The following LRP1B variants were observed in gnomAD, a reference collection of about 807,000 sequenced individuals.
The protein encoded by LRP1B is low-density lipoprotein receptor-related protein 1B.
Under a neutral mutation model 556.6 loss-of-function variants are expected in LRP1B, and 217 were observed. That is an observed-to-expected ratio of 0.39 (90% CI 0.35 to 0.44). The LOEUF (loss-of-function observed/expected upper bound fraction) is 0.44, where lower values mean the gene tolerates loss of function less well. LRP1B is among the 20% of genes least tolerant of loss of function. The pLI is 1.00. For synonymous variants in LRP1B, 2,047 were observed against 1,865.8 expected, an observed-to-expected ratio of 1.10 and a Z score of -2.50; for missense variants, 5,053 against 5,620.8, an observed-to-expected ratio of 0.90 and a Z score of 3.23.
At chr2:141,891,804 G>C (rs760929800) in intron 1 of LRP1B, among the ~76,000 whole-genome samples, 1 of 151,982 alleles carries the variant, frequency 6.6e-6, no homozygotes, top group Non-Finnish European at 1.5e-5. Flanking sequence ...GGGTAAAAAG[G>C]TCTCAGTGGA....
At chr2:142,079,829 T>C (rs1196583713) in intron 1 of LRP1B, among the ~76,000 whole-genome samples, 4 of 152,038 alleles carry the variant, frequency 2.6e-5, no homozygotes, top group African/African-American at 4.8e-5. Flanking sequence ...AAATATATGT[T>C]ATAAGCAGAT....
intron 1 of LRP1B, among the ~76,000 whole-genome samples, chr2:141,932,900 C>A (rs1700543713): frequency 2.0e-5 from 3 of 151,964 alleles, no homozygotes; most frequent in African/African-American, 7.2e-5. Context: ...ATATAACCAT[C>A]AATTATTTAT....
chr2:141,329,409 C>T (rs867666371), intron 3 of LRP1B, among the ~76,000 whole-genome samples: 60 of 132,532 alleles, frequency 4.5e-4, no homozygotes, highest in Middle Eastern at 9.9e-3. Context: ...AAAAGGGAGG[C>T]CGAGGCTGGT....
At chr2:140,686,378 T>G (rs564347734) in intron 41 of LRP1B, among the ~76,000 whole-genome samples, 50 of 152,180 alleles carry the variant, frequency 3.3e-4, no homozygotes, top group African/African-American at 1.0e-3. Flanking sequence ...AGGCTAGCAA[T>G]CATTCAGTAA....
intron 3 of LRP1B, among the ~76,000 whole-genome samples, chr2:141,372,190 A>G (rs72983138): frequency 0.07 from 10,570 of 152,068 alleles, 488 homozygotes; most frequent in African/African-American, 0.12. Context: ...CAAATTTATT[A>G]ATTTATATAT....
At chr2:141,754,651 G>A (rs1694254328) in intron 2 of LRP1B, among the ~76,000 whole-genome samples, 1 of 152,058 alleles carries the variant, frequency 6.6e-6, no homozygotes, top group Admixed American at 6.6e-5. Context: ...CAGAGATATG[G>A]AGCCAAAATA....
At chr2:140,536,086 C>T (rs1690951834) in intron 46 of LRP1B, among the ~76,000 whole-genome samples, 1 of 151,730 alleles carries the variant, frequency 6.6e-6, no homozygotes, top group African/African-American at 2.4e-5. Flanking sequence ...AGAAAGTAAG[C>T]CTAAAACCTA....
At chr2:141,880,398 T>C (rs1273676666) in intron 1 of LRP1B, among the ~76,000 whole-genome samples, 1 of 152,056 alleles carries the variant, frequency 6.6e-6, no homozygotes. Flanking sequence ...ATTATAAATA[T>C]GTGATACATA....
In LRP1B at chr2:140,457,617, T is replaced by G; in HGVS notation, c.9660A>C (p.Leu3220=). The part of the protein sequence containing the change: ...PNQDIPGVIA[L]TLFEDYIYWT... ...AGTAGATGTAGTCTTCAAACAATGT[T>G]AGTGCAATCACCCCTGGAATATCTT... Residue 3220 remains leucine, a synonymous_variant, in exon 61 of 91, where the codon CTA becomes CTC. Coordinates refer to ENST00000389484, the MANE Select transcript of LRP1B (RefSeq NM_018557.3). 6.2e-7 allele frequency: 1 copy of G among 1,613,716 alleles called. No individual in the cohort carries two copies. Among genetic ancestry groups the G allele is most frequent in the Non-Finnish European group, 8.5e-7 (1 of 1,179,672 alleles).
chr2:141,078,183 C>T (rs995816017), intron 7 of LRP1B, among the ~76,000 whole-genome samples: 1 of 152,048 alleles, frequency 6.6e-6, no homozygotes, highest in Non-Finnish European at 1.5e-5. Flanking sequence ...GTATTGAGGC[C>T]ATTCTAAATA....
At chr2:140,321,244 T>A (rs375539980) in intron 82 of LRP1B, among the ~76,000 whole-genome samples, 1 of 149,256 alleles carries the variant, frequency 6.7e-6, no homozygotes, top group South Asian at 2.1e-4. Context: ...GTGTTTTTTT[T>A]ATTTTTTGTT....
intron 31 of LRP1B, among the ~76,000 whole-genome samples, chr2:140,832,078 A>G (rs974948344): frequency 1.3e-5 from 2 of 152,168 alleles, no homozygotes; most frequent in Admixed American, 6.5e-5. Context: ...TGGGAAAGTA[A>G]TTTAATACAG....
At chr2:141,937,856 T>C (rs538193401) in intron 1 of LRP1B, among the ~76,000 whole-genome samples, 2 of 152,176 alleles carry the variant, frequency 1.3e-5, no homozygotes. Flanking sequence ...CCACTTTGTG[T>C]TGATTTTTGT....
chr2:141,905,597 T>A (rs2104941754), intron 1 of LRP1B, among the ~76,000 whole-genome samples: 1 of 151,766 alleles, frequency 6.6e-6, no homozygotes, highest in South Asian at 2.1e-4. Context: ...TGAGTATGGA[T>A]ACTGATCAAG....
intron 3 of LRP1B, among the ~76,000 whole-genome samples, chr2:141,431,979 T>A (rs1680579014): frequency 6.6e-6 from 1 of 152,132 alleles, no homozygotes; most frequent in Non-Finnish European, 1.5e-5. Context: ...CTGACCTAGC[T>A]AGAACCTCTA....
chr2:141,541,146 T>C (rs954963300), intron 2 of LRP1B, among the ~76,000 whole-genome samples: 2 of 152,046 alleles, frequency 1.3e-5, no homozygotes, highest in African/African-American at 4.8e-5. Context: ...CAATAGGTTA[T>C]GGAGGAATTA....
At chr2:140,700,682 A>C in intron 40 of LRP1B, 61 bp from the exon 41 acceptor site, 1 of 1,521,220 alleles carries the variant, frequency 6.6e-7, no homozygotes, top group East Asian at 2.3e-5. Context: ...TTTTTGAAAC[A>C]AAATTCTCCA....
At chr2:141,364,400 T>C (rs980191574) in intron 3 of LRP1B, among the ~76,000 whole-genome samples, 3 of 139,540 alleles carry the variant, frequency 2.1e-5, no homozygotes, top group African/African-American at 7.8e-5. Context: ...ACAGTGGAAT[T>C]ATTAAATCAT....
intron 2 of LRP1B, among the ~76,000 whole-genome samples, chr2:141,705,290 G>A (rs147178875): frequency 5.3e-4 from 80 of 151,880 alleles, no homozygotes; most frequent in African/African-American, 1.7e-3. Flanking sequence ...TTTTTTGAAC[G>A]TCAATTTCTC....
Sources: allele counts gnomAD v4.1 joint callset (sites outside exome capture counted in the v4.1 genomes callset), GRCh38; gene constraint gnomAD v4.1.1; transcripts MANE v1.5; gene names NCBI Gene and HGNC (gene_info 2026-07-23, HGNC 2026-07-21).